The following PIP5K1B variants were observed in gnomAD, a reference collection of about 807,000 sequenced individuals.
PIP5K1B encodes the protein phosphatidylinositol-4-phosphate 5-kinase type 1 beta, also known as phosphatidylinositol 4-phosphate 5-kinase type-1 beta.
A neutral mutation model predicts 67.0 loss-of-function variants in PIP5K1B; 42 were observed. That is an observed-to-expected ratio of 0.63 (90% CI 0.49 to 0.81). The LOEUF (loss-of-function observed/expected upper bound fraction) is 0.81. Ranked by LOEUF, PIP5K1B falls within the 30% of genes least tolerant of loss-of-function variation. The pLI is 0.00. For missense variants in PIP5K1B, 459 were observed against 646.3 expected, an observed-to-expected ratio of 0.71 and a Z score of 3.14; for synonymous variants, 214 against 231.4, an observed-to-expected ratio of 0.92 and a Z score of 0.68.
At chr9:68,720,406 C>A (rs903751813) in intron 1 of PIP5K1B, among the ~76,000 whole-genome samples, 1 of 152,178 alleles carries the variant, frequency 6.6e-6, no homozygotes, top group African/African-American at 2.4e-5. Context: ...CCAACTCTTA[C>A]CTCTTTGAAC....
chr9:68,710,107 T>C (rs1357142031), intron 1 of PIP5K1B, among the ~76,000 whole-genome samples: 1 of 152,226 alleles, frequency 6.6e-6, no homozygotes. Flanking sequence ...TGGAAATTTT[T>C]TTTTCCCCCT....
chr9:68,726,732 CCA>C (rs1828164880), intron 1 of PIP5K1B, among the ~76,000 whole-genome samples: 1 of 152,178 alleles, frequency 6.6e-6, no homozygotes, highest in African/African-American at 2.4e-5. Flanking sequence ...TGCTGGAATT[CCA>C]CAGTGGTTGT....
At chr9:68,998,946 G>A (rs1263024412) in intron 15 of PIP5K1B, among the ~76,000 whole-genome samples, 1 of 152,198 alleles carries the variant, frequency 6.6e-6, no homozygotes, top group Non-Finnish European at 1.5e-5. Flanking sequence ...TATCACAAAT[G>A]ACCACAGACA....
intron 2 of PIP5K1B, among the ~76,000 whole-genome samples, chr9:68,795,406 A>T (rs1164763273): frequency 6.6e-6 from 1 of 152,232 alleles, no homozygotes; most frequent in African/African-American, 2.4e-5. Context: ...AAAACTGGTA[A>T]CTTGAATAAA....
intron 15 of PIP5K1B, among the ~76,000 whole-genome samples, chr9:69,002,255 G>T (rs186164839): frequency 1.3e-5 from 2 of 152,232 alleles, no homozygotes; most frequent in Non-Finnish European, 2.9e-5. Context: ...AGGCTTCTCG[G>T]TTGAAGCCTT....
intron 4 of PIP5K1B, among the ~76,000 whole-genome samples, chr9:68,845,361 G>C (rs1822133711): frequency 1.3e-5 from 2 of 152,184 alleles, no homozygotes; most frequent in Non-Finnish European, 1.5e-5. Context: ...AGAAGAGCTA[G>C]AAGCCTAGAG....
intron 2 of PIP5K1B, among the ~76,000 whole-genome samples, chr9:68,756,087 G>A (rs1829910783): frequency 6.6e-6 from 1 of 152,236 alleles, no homozygotes; most frequent in African/African-American, 2.4e-5. Flanking sequence ...GGAGAAGGAG[G>A]CTGCATAAAT....
At chr9:68,984,371 G>A (rs1413877066) in intron 14 of PIP5K1B, among the ~76,000 whole-genome samples, 1 of 152,074 alleles carries the variant, frequency 6.6e-6, no homozygotes, top group East Asian at 1.9e-4. Flanking sequence ...AGATTTTTAG[G>A]CAAGTAACAT....
intron 2 of PIP5K1B, among the ~76,000 whole-genome samples, chr9:68,814,724 G>A (rs1318463478): frequency 6.6e-6 from 1 of 152,128 alleles, no homozygotes; most frequent in Admixed American, 6.6e-5. Flanking sequence ...GGAGGCTGAG[G>A]TGGGAGGATC....
At chr9:68,788,240 G>A (rs374014206) in intron 2 of PIP5K1B, 8 of 424,518 alleles carry the variant, frequency 1.9e-5, no homozygotes, top group Admixed American at 1.5e-4. Flanking sequence ...GAGACAGGCC[G>A]ATACTTTTTA....
chr9:68,718,457 T>C (rs989951898), intron 1 of PIP5K1B, among the ~76,000 whole-genome samples: 1 of 152,252 alleles, frequency 6.6e-6, no homozygotes, highest in Non-Finnish European at 1.5e-5. Flanking sequence ...GTAGTTTTTT[T>C]CTTCCTGAAA....
chr9:68,925,974 T>C (rs1021027455), intron 12 of PIP5K1B, among the ~76,000 whole-genome samples: 3 of 151,686 alleles, frequency 2.0e-5, no homozygotes, highest in African/African-American at 4.8e-5. Flanking sequence ...GTTTTTGCTT[T>C]TAGTAAAGAT....
intron 14 of PIP5K1B, among the ~76,000 whole-genome samples, chr9:68,942,554 GC>G (rs911754605): frequency 8.5e-4 from 129 of 152,158 alleles, no homozygotes; most frequent in African/African-American, 2.9e-3. Context: ...CCGGGGCCTG[GC>G]AGGGCCTCCT....
chr9:68,758,696 G>A (rs775107140), intron 2 of PIP5K1B, among the ~76,000 whole-genome samples: 6 of 152,002 alleles, frequency 3.9e-5, no homozygotes, highest in Non-Finnish European at 5.9e-5. Flanking sequence ...TATGGCACTG[G>A]AATAAGATTT....
At chr9:68,901,625 A>G (rs916019353) in intron 8 of PIP5K1B, among the ~76,000 whole-genome samples, 1 of 152,238 alleles carries the variant, frequency 6.6e-6, no homozygotes, top group Non-Finnish European at 1.5e-5. Context: ...GATTTGCTCC[A>G]TTGTCTTAAA....
rs5898051 is a variant in PIP5K1B at position 68,920,359 on chromosome 9, CTT to C, written c.1116+655_1116+656del. ...ATACATGCTGGCTGCCTGAGGTTGT[CTT>C]TTTTTTTTTTTTTTTTTTTTTTTTG... On this transcript the variant is annotated intron_variant, in intron 11 of 15. Transcript: ENST00000265382. Among the ~76,000 whole-genome samples the C allele has an allele frequency of 8.3e-4, 82 of 98,366 alleles. 20 individuals carry two copies. The highest frequency in any genetic ancestry group is 2.9e-3 in the African/African-American group (79 of 27,484). 64.5% of individuals were successfully genotyped at this position (98,366 alleles called of 152,430 possible).
chr9:68,789,947 T>C (rs1347100990), intron 2 of PIP5K1B, among the ~76,000 whole-genome samples: 1 of 152,224 alleles, frequency 6.6e-6, no homozygotes, highest in Non-Finnish European at 1.5e-5. Context: ...ATTTTGGATT[T>C]TTTTGTTTTC....
intron 5 of PIP5K1B, among the ~76,000 whole-genome samples, chr9:68,869,114 C>G (rs1324798732): frequency 6.6e-6 from 1 of 152,172 alleles, no homozygotes; most frequent in Non-Finnish European, 1.5e-5. Flanking sequence ...TAAACTTATC[C>G]AAGAGTCCAT....
intron 4 of PIP5K1B, among the ~76,000 whole-genome samples, chr9:68,826,657 A>T: frequency 6.6e-6 from 1 of 152,156 alleles, no homozygotes; most frequent in Non-Finnish European, 1.5e-5. Flanking sequence ...CTGACCTTAC[A>T]ACTTATTTGG....
Sources: allele counts gnomAD v4.1 joint callset (sites outside exome capture counted in the v4.1 genomes callset), GRCh38; gene constraint gnomAD v4.1.1; transcripts MANE v1.5; gene names NCBI Gene and HGNC (gene_info 2026-07-23, HGNC 2026-07-21).